Variants in TNIK observed in about 807,000 individuals in gnomAD.
The protein encoded by TNIK is TRAF2 and NCK interacting kinase.
A neutral mutation model predicts 191.3 loss-of-function variants in TNIK; 49 were observed. That is an observed-to-expected ratio of 0.26 (90% CI 0.20 to 0.32). The LOEUF (loss-of-function observed/expected upper bound fraction) is 0.32. TNIK is among the 10% of genes least tolerant of loss of function. The probability of loss-of-function intolerance (pLI) is 1.00; values close to 1 mark genes in which losing one functional copy is unlikely to be tolerated. For missense variants in TNIK, 1,155 were observed against 1,702.3 expected (o/e 0.68, Z 5.66); for synonymous variants, 594 against 600.9 (o/e 0.99, Z 0.17).
intron 1 of TNIK, among the ~76,000 whole-genome samples, chr3:171,410,569 GGA>G (rs1722253871): frequency 6.6e-6 from 1 of 152,150 alleles, no homozygotes; most frequent in South Asian, 2.1e-4. Flanking sequence ...CACAAGGTCA[GGA>G]GATCGAGACC....
chr3:171,407,625 G>A (rs1199655799), intron 1 of TNIK, among the ~76,000 whole-genome samples: 1 of 152,220 alleles, frequency 6.6e-6, no homozygotes, highest in Admixed American at 6.5e-5. Flanking sequence ...AAACACTTTA[G>A]TTGGACAGCA....
At chr3:171,438,052 G>A (rs1044428185) in intron 1 of TNIK, among the ~76,000 whole-genome samples, 1 of 152,234 alleles carries the variant, frequency 6.6e-6, no homozygotes, top group Admixed American at 6.5e-5. Context: ...TATAACTGCT[G>A]CACCTGCACA....
chr3:171,201,580 C>A (rs369859392), intron 4 of TNIK, among the ~76,000 whole-genome samples: 1 of 152,174 alleles, frequency 6.6e-6, no homozygotes, highest in East Asian at 1.9e-4. Context: ...GAAACAAAGT[C>A]CAAACTCAGT....
intron 18 of TNIK, among the ~76,000 whole-genome samples, chr3:171,120,920 C>T (rs1040820124): frequency 3.9e-5 from 6 of 152,176 alleles, no homozygotes; most frequent in East Asian, 1.9e-4. Context: ...ACGACCCCTG[C>T]GCCCTGGAGT....
intron 1 of TNIK, among the ~76,000 whole-genome samples, chr3:171,372,744 A>T (rs6444985): frequency 6.6e-6 from 1 of 152,082 alleles, no homozygotes; most frequent in Non-Finnish European, 1.5e-5. Flanking sequence ...ACACTCCCAG[A>T]AGGTGGACAA....
At chr3:171,322,679 G>A (rs528859891) in intron 2 of TNIK, among the ~76,000 whole-genome samples, 2 of 152,016 alleles carry the variant, frequency 1.3e-5, no homozygotes, top group Admixed American at 1.3e-4. Flanking sequence ...AACACAAAAT[G>A]GTGTAAAAAT....
intron 2 of TNIK, among the ~76,000 whole-genome samples, chr3:171,270,989 C>T (rs189299381): frequency 8.7e-4 from 132 of 152,278 alleles, no homozygotes; most frequent in African/African-American, 2.8e-3. Context: ...ATTTGTTTAC[C>T]TTTCTGGCTC....
intron 2 of TNIK, among the ~76,000 whole-genome samples, chr3:171,260,900 G>A (rs1368246979): frequency 2.0e-5 from 3 of 152,088 alleles, no homozygotes; most frequent in African/African-American, 7.2e-5. Context: ...ACAAGATAAC[G>A]AGGGTTATTA....
chr3:171,318,919 C>A (rs1045905644), intron 2 of TNIK, among the ~76,000 whole-genome samples: 1 of 152,060 alleles, frequency 6.6e-6, no homozygotes, highest in African/African-American at 2.4e-5. Flanking sequence ...AATCCCAGTG[C>A]TTTGAGAGGC....
intron 8 of TNIK, 22 bp from the exon 9 acceptor site, chr3:171,175,352 G>GC: frequency 1.3e-6 from 2 of 1,593,176 alleles, no homozygotes. Flanking sequence ...CAAAACAAGG[G>GC]CCAGCTACAG....
chr3:171,382,169 C>T (rs1718116125), intron 1 of TNIK, among the ~76,000 whole-genome samples: 1 of 149,174 alleles, frequency 6.7e-6, no homozygotes, highest in African/African-American at 2.4e-5. Flanking sequence ...TCTCCATTAG[C>T]CTTTTGCTCT....
chr3:171,175,699 T>C (rs146188797), intron 8 of TNIK, among the ~76,000 whole-genome samples: 2 of 152,342 alleles, frequency 1.3e-5, no homozygotes, highest in East Asian at 3.9e-4. Flanking sequence ...AAGCTATTTT[T>C]AATTAGTAAA....
intron 2 of TNIK, among the ~76,000 whole-genome samples, chr3:171,272,271 T>G (rs1407429391): frequency 6.6e-6 from 1 of 152,160 alleles, no homozygotes; most frequent in Non-Finnish European, 1.5e-5. Context: ...GGGCAAGGTG[T>G]GGGTACCAAG....
chr3:171,118,706 T>C (rs182460185), intron 18 of TNIK, among the ~76,000 whole-genome samples: 3,160 of 152,234 alleles, frequency 0.021, 44 homozygotes, highest in Non-Finnish European at 0.028. Context: ...CCCTATTTAA[T>C]AAATGGTGCT....
intron 2 of TNIK, among the ~76,000 whole-genome samples, chr3:171,303,012 T>G (rs964171581): frequency 6.6e-6 from 1 of 152,196 alleles, no homozygotes; most frequent in South Asian, 2.1e-4. Context: ...TTATAGGTTG[T>G]CAGTAATTAC....
chr3:171,237,863 T>C (rs905787721), intron 2 of TNIK, among the ~76,000 whole-genome samples: 1 of 152,128 alleles, frequency 6.6e-6, no homozygotes, highest in Non-Finnish European at 1.5e-5. Context: ...GGCTGCAGTA[T>C]GCTCTTGTAT....
chr3:171,376,019 G>C (rs1360053301), intron 1 of TNIK, among the ~76,000 whole-genome samples: 3 of 152,084 alleles, frequency 2.0e-5, no homozygotes, highest in African/African-American at 7.2e-5. Context: ...ATTCCCTATT[G>C]ACATCTGCCA....
At chr3:171,289,003 C>A (rs118041626) in intron 2 of TNIK, among the ~76,000 whole-genome samples, 3 of 151,992 alleles carry the variant, frequency 2.0e-5, no homozygotes, top group African/African-American at 4.8e-5. Context: ...CCTGCAGGGA[C>A]GAATTGTTCA....
At chr3:171,429,813 C>T (rs556464713) in intron 1 of TNIK, among the ~76,000 whole-genome samples, 4 of 152,268 alleles carry the variant, frequency 2.6e-5, no homozygotes, top group Admixed American at 1.3e-4. Flanking sequence ...AATCCTACCT[C>T]GCCCCAGAAG....
Sources: gnomAD v4.1 joint callset for allele counts (sites outside exome capture counted in the v4.1 genomes callset) on GRCh38, gnomAD v4.1.1 for gene constraint, MANE v1.5 for transcripts, NCBI Gene and HGNC (gene_info 2026-07-23, HGNC 2026-07-21) for gene names.